Variants in CNKSR2 observed in about 807,000 individuals in gnomAD.
CNKSR2 encodes connector enhancer of kinase suppressor of Ras 2, also known as CNK homolog protein 2.
A neutral mutation model predicts 84.4 loss-of-function variants in CNKSR2; 14 were observed. That is an observed-to-expected ratio of 0.17 (90% CI 0.11 to 0.26). The LOEUF (loss-of-function observed/expected upper bound fraction) is 0.26. Ranked by LOEUF, CNKSR2 falls within the 10% of genes least tolerant of loss-of-function variation. The pLI, the probability that CNKSR2 is intolerant of heterozygous loss-of-function variation, is 1.00. For synonymous variants in CNKSR2, 275 were observed against 277.9 expected, an observed-to-expected ratio of 0.99 and a Z score of 0.10; for missense variants, 485 against 771.2, an observed-to-expected ratio of 0.63 and a Z score of 4.40.
chrX:21,498,815 AT>A (rs367630639), intron 7 of CNKSR2, among the ~76,000 whole-genome samples: 233 of 108,267 alleles, frequency 2.2e-3, no homozygotes, highest in African/African-American at 6.8e-3. Context: ...CTTTGAATGT[AT>A]TTTTTTTTTA....
chrX:21,493,891 G>A (rs2091466924), intron 6 of CNKSR2: 1 of 111,768 alleles, frequency 8.9e-6, no homozygotes, highest in Non-Finnish European at 1.9e-5. Flanking sequence ...GAGTTTAGAA[G>A]TGAAAATATT....
Position 21,552,730 on chromosome X carries a change from GA to G in CNKSR2, c.1304-8736del, listed in dbSNP as rs1383418687. Among the ~76,000 whole-genome samples, 94 of 111,849 alleles carry G rather than the reference GA, an allele frequency of 8.4e-4. 2 individuals carry two copies. Among genetic ancestry groups the G allele is most frequent in the Non-Finnish European group, 2.3e-4 (12 of 53,071 alleles). On this transcript the variant is annotated intron_variant, in intron 11 of 21. Transcript: ENST00000379510. Reference sequence around the variant, plus strand: ...ATGATGAAAGTTCAAACTAAAGTAAGAAAAACTATCTAGAAAGATCATTACA... The same window carrying G: ...ATGATGAAAGTTCAAACTAAAGTAAGAAAACTATCTAGAAAGATCATTACA...
At chrX:21,494,207 G>T (rs2091470170) in intron 6 of CNKSR2, 1 of 111,555 alleles carries the variant, frequency 9.0e-6, no homozygotes, top group Admixed American at 9.5e-5. Context: ...AATAACTACA[G>T]TGTCTTTTCT....
chrX:21,602,372 G>A (rs190725912), intron 18 of CNKSR2, among the ~76,000 whole-genome samples: 295 of 111,315 alleles, frequency 2.7e-3, no homozygotes, highest in South Asian at 5.7e-3. Context: ...TGTTGCCCAT[G>A]CTGGTCCCAA....
chrX:21,394,430 C>CT (rs1240385701), intron 1 of CNKSR2, among the ~76,000 whole-genome samples: 20 of 111,954 alleles, frequency 1.8e-4, no homozygotes, highest in Non-Finnish European at 3.8e-5. Context: ...GTAGCCACTT[C>CT]TTTTTCTAAC....
At chrX:21,522,982 A>G (rs1479536763) in intron 9 of CNKSR2, among the ~76,000 whole-genome samples, 1 of 110,953 alleles carries the variant, frequency 9.0e-6, no homozygotes. Flanking sequence ...GTTATCACCA[A>G]TTGACCTAAG....
At position 21,426,732 on chromosome X, in the gene CNKSR2, TCC is replaced by T. The variant is rs780246439; in HGVS notation, c.228+73_228+74del. ...TTTGTTGCTTTTCCCTTTTTTCTTC[TCC>T]TCTTTTGATAATCGAAATGCAAATA... On this transcript the variant is annotated intron_variant, in intron 2 of 21. Transcript: ENST00000379510. 175 of 1,061,706 alleles carry T rather than the reference TCC, an allele frequency of 1.6e-4. No individual in the cohort carries two copies. The African/African-American group carries it at 3.1e-3, about 19-fold the overall frequency. The allele number at this position is 1,061,706 out of a possible 1,213,427, so 87.5% of individuals were successfully genotyped here. A position where few individuals can be genotyped will look rare whatever the true frequency, so the allele number is the denominator to read the frequency against.
chrX:21,652,557 G>T lies in CNKSR2; in HGVS notation c.*36G>T. ...CCTTCAGACCATCTAGTACCTGCTG[G>T]TACTCTGAACAAGTATATAAGGTAG... On this transcript the variant is annotated 3_prime_UTR_variant, in exon 22 of 22. Transcript: ENST00000379510. The T allele has an allele frequency of 9.5e-7, 1 of 1,049,783 alleles. No homozygotes were observed. Among genetic ancestry groups the T allele is most frequent in the Non-Finnish European group, 1.3e-6 (1 of 751,641 alleles). The allele number at this position is 1,049,783 out of a possible 1,213,427, so 86.5% of individuals were successfully genotyped here.
At chrX:21,426,846 C>A in intron 2 of CNKSR2, 186 bp downstream of exon 2, 1 of 450,272 alleles carries the variant, frequency 2.2e-6, no homozygotes, top group Non-Finnish European at 3.6e-6. Context: ...AATAACAGTT[C>A]CCTGTTTGTA....
chrX:21,488,805 T>A (rs764256145), intron 5 of CNKSR2, among the ~76,000 whole-genome samples: 2 of 111,243 alleles, frequency 1.8e-5, no homozygotes, highest in Non-Finnish European at 3.8e-5. Flanking sequence ...GGGAACAATG[T>A]CAGTCAAACC....
At chrX:21,571,864 A>G (rs1308520182) in intron 13 of CNKSR2, among the ~76,000 whole-genome samples, 1 of 112,212 alleles carries the variant, frequency 8.9e-6, no homozygotes, top group East Asian at 2.8e-4. Context: ...GATAAAAGTA[A>G]TTCAAAGAAG....
chrX:21,593,958 A>G (rs1032321852), intron 15 of CNKSR2: 3 of 111,916 alleles, frequency 2.7e-5, no homozygotes, highest in Non-Finnish European at 3.8e-5. Context: ...TCCACCCAGC[A>G]GTCCCATTAC....
chrX:21,417,498 C>G (rs2090438371), intron 1 of CNKSR2, among the ~76,000 whole-genome samples: 1 of 111,511 alleles, frequency 9.0e-6, no homozygotes, highest in South Asian at 3.7e-4. Context: ...CTGTCAAATG[C>G]TGAAAGTGGG....
At chrX:21,604,965 A>G (rs186918918) in intron 18 of CNKSR2, among the ~76,000 whole-genome samples, 74 of 112,115 alleles carry the variant, frequency 6.6e-4, no homozygotes, top group African/African-American at 2.4e-3. Flanking sequence ...CTGTCATGCT[A>G]CTACAAATAT....
intron 11 of CNKSR2, among the ~76,000 whole-genome samples, chrX:21,555,874 TAG>T (rs1172352352): frequency 9.0e-6 from 1 of 110,921 alleles, no homozygotes; most frequent in Non-Finnish European, 1.9e-5. Flanking sequence ...AGCGTGCTTT[TAG>T]AGAGTTTTTA....
intron 21 of CNKSR2, among the ~76,000 whole-genome samples, chrX:21,651,125 A>T (rs1047886408): frequency 6.3e-5 from 7 of 111,441 alleles, no homozygotes; most frequent in Admixed American, 1.9e-4. Context: ...TCTTCCAGTG[A>T]CAAAATATAT....
At chrX:21,451,312 T>C (rs1235006602) in intron 4 of CNKSR2, among the ~76,000 whole-genome samples, 1 of 111,128 alleles carries the variant, frequency 9.0e-6, no homozygotes, top group Non-Finnish European at 1.9e-5. Flanking sequence ...TATCTAGAAC[T>C]AGAAATACCA....
intron 1 of CNKSR2, among the ~76,000 whole-genome samples, chrX:21,395,615 A>G (rs2146974651): frequency 9.0e-6 from 1 of 110,804 alleles, no homozygotes; most frequent in African/African-American, 3.3e-5. Context: ...TGGTAGGGCA[A>G]ATTATTTGGG....
intron 13 of CNKSR2, among the ~76,000 whole-genome samples, chrX:21,583,150 C>T (rs1404907277): frequency 1.8e-5 from 2 of 111,295 alleles, no homozygotes; most frequent in Non-Finnish European, 3.8e-5. Context: ...AAAATCAGGT[C>T]GACCTGACTG....
Sources: allele counts gnomAD v4.1 joint callset (sites outside exome capture counted in the v4.1 genomes callset), GRCh38; gene constraint gnomAD v4.1.1; transcripts MANE v1.5; gene names NCBI Gene and HGNC (gene_info 2026-07-23, HGNC 2026-07-21).